Variants in KCNAB1 observed in about 807,000 individuals in gnomAD.
KCNAB1 encodes potassium voltage-gated channel subfamily A regulatory beta subunit 1, also known as voltage-gated potassium channel subunit beta-1.
A neutral mutation model predicts 64.6 loss-of-function variants in KCNAB1; 35 were observed. The ratio of observed to expected loss-of-function variants is 0.54; its 90% CI spans 0.41 to 0.72. KCNAB1 has a LOEUF of 0.72. Ranked by LOEUF, KCNAB1 falls within the 30% of genes least tolerant of loss-of-function variation. The probability of loss-of-function intolerance (pLI) is 0.00; values close to 1 mark genes in which losing one functional copy is unlikely to be tolerated. For synonymous variants in KCNAB1, 177 were observed against 183.8 expected (o/e 0.96, Z 0.30); for missense variants, 401 against 512.9 (o/e 0.78, Z 2.11).
intron 1 of KCNAB1, among the ~76,000 whole-genome samples, chr3:156,330,669 C>A (rs1371338743): frequency 6.6e-6 from 1 of 152,162 alleles, no homozygotes; most frequent in Non-Finnish European, 1.5e-5. Flanking sequence ...ACCATTCTTT[C>A]ATCATTTCCC....
intron 1 of KCNAB1, among the ~76,000 whole-genome samples, chr3:156,136,360 G>A (rs1450044847): frequency 2.6e-5 from 4 of 152,214 alleles, no homozygotes; most frequent in Non-Finnish European, 1.5e-5. Context: ...GTGCCCACTG[G>A]TGGGTTGTAG....
chr3:156,360,773 CTTTAT>C (rs1366442399), intron 1 of KCNAB1, among the ~76,000 whole-genome samples: 3 of 151,808 alleles, frequency 2.0e-5, no homozygotes, highest in South Asian at 2.1e-4. Flanking sequence ...ATTCCTAATT[CTTTAT>C]TTTATCTTCT....
At chr3:156,147,725 G>C (rs922007591) in intron 1 of KCNAB1, among the ~76,000 whole-genome samples, 2 of 152,120 alleles carry the variant, frequency 1.3e-5, no homozygotes, top group African/African-American at 4.8e-5. Context: ...TTCTTAACTT[G>C]AGATGGGCCT....
At chr3:156,253,904 C>A (rs1717964126) in intron 1 of KCNAB1, among the ~76,000 whole-genome samples, 1 of 152,172 alleles carries the variant, frequency 6.6e-6, no homozygotes. Flanking sequence ...AGGCCATGCC[C>A]CCAGCGATGT....
chr3:156,147,951 ACACACACACG>A (rs1258133022), intron 1 of KCNAB1, among the ~76,000 whole-genome samples: 1 of 139,110 alleles, frequency 7.2e-6, no homozygotes, highest in Non-Finnish European at 1.5e-5. Flanking sequence ...ACACACACAC[ACACACACACG>A]CACGCACACG....
intron 1 of KCNAB1, among the ~76,000 whole-genome samples, chr3:156,334,072 AG>A (rs769213644): frequency 5.3e-5 from 8 of 152,180 alleles, no homozygotes; most frequent in Non-Finnish European, 1.2e-4. Flanking sequence ...AAACCCTAAA[AG>A]CCCTTCTAGA....
At chr3:156,453,524 G>A (rs1712159783) in intron 3 of KCNAB1, among the ~76,000 whole-genome samples, 1 of 152,156 alleles carries the variant, frequency 6.6e-6, no homozygotes, top group Non-Finnish European at 1.5e-5. Flanking sequence ...TGACTAGTAG[G>A]TAGCAGACAC....
intron 8 of KCNAB1, among the ~76,000 whole-genome samples, chr3:156,484,508 G>A (rs1247811715): frequency 6.6e-6 from 1 of 152,094 alleles, no homozygotes; most frequent in Non-Finnish European, 1.5e-5. Flanking sequence ...TTCTCTGAGA[G>A]ATATTTGGAG....
intron 1 of KCNAB1, among the ~76,000 whole-genome samples, chr3:156,222,221 G>C (rs1479499179): frequency 6.6e-6 from 1 of 152,138 alleles, no homozygotes; most frequent in East Asian, 1.9e-4. Flanking sequence ...TTAAGGTAAA[G>C]GGGGGCGGGA....
chr3:156,474,908 C>A, intron 8 of KCNAB1, 88 bp downstream of exon 8: 2 of 1,030,434 alleles, frequency 1.9e-6, no homozygotes, highest in South Asian at 1.3e-5. Flanking sequence ...GAATTGTATT[C>A]AGACTGATCA....
intron 1 of KCNAB1, among the ~76,000 whole-genome samples, chr3:156,225,037 AG>A (rs1371092063): frequency 6.6e-6 from 1 of 152,092 alleles, no homozygotes; most frequent in East Asian, 1.9e-4. Context: ...TCCAAAAGAT[AG>A]AGAAAGAGGA....
intron 13 of KCNAB1, among the ~76,000 whole-genome samples, chr3:156,536,213 G>A (rs900392631): frequency 1.3e-5 from 2 of 152,166 alleles, no homozygotes; most frequent in Non-Finnish European, 2.9e-5. Context: ...ACAGAGATGT[G>A]CTTTAAGTGT....
chr3:156,287,643 A>G (rs1176372661), intron 1 of KCNAB1, among the ~76,000 whole-genome samples: 1 of 152,068 alleles, frequency 6.6e-6, no homozygotes, highest in African/African-American at 2.4e-5. Context: ...CCTGGCCAAC[A>G]TGGTGAAACC....
intron 3 of KCNAB1, among the ~76,000 whole-genome samples, chr3:156,453,445 T>C (rs1712155101): frequency 6.6e-6 from 1 of 152,224 alleles, no homozygotes; most frequent in South Asian, 2.1e-4. Context: ...GAGATGCTAA[T>C]GCTAACTTTG....
intron 1 of KCNAB1, among the ~76,000 whole-genome samples, chr3:156,390,739 T>G (rs6781728): frequency 2.0e-5 from 3 of 151,904 alleles, no homozygotes; most frequent in Non-Finnish European, 4.4e-5. Context: ...CCTGCTACCA[T>G]GCCCGGCTAA....
chr3:156,335,853 GTTTT>G (rs4056366), intron 1 of KCNAB1, among the ~76,000 whole-genome samples: 77 of 135,302 alleles, frequency 5.7e-4, no homozygotes, highest in African/African-American at 2.1e-3. Flanking sequence ...AATTGTTTGG[GTTTT>G]TTTTTTTTTT....
intron 8 of KCNAB1, among the ~76,000 whole-genome samples, chr3:156,479,339 C>A (rs916585609): frequency 6.6e-6 from 1 of 152,144 alleles, no homozygotes; most frequent in Non-Finnish European, 1.5e-5. Flanking sequence ...AGAAAAAGTT[C>A]AGGCAATAGA....
At chr3:156,317,526 TA>T in intron 1 of KCNAB1, among the ~76,000 whole-genome samples, 1 of 152,206 alleles carries the variant, frequency 6.6e-6, no homozygotes, top group Non-Finnish European at 1.5e-5. Flanking sequence ...ATACGTGTGG[TA>T]ATAGCTTTGA....
chr3:156,221,801 G>A (rs1313946901), intron 1 of KCNAB1, among the ~76,000 whole-genome samples: 2 of 145,644 alleles, frequency 1.4e-5, no homozygotes, highest in African/African-American at 5.2e-5. Flanking sequence ...AAAAAGTTTT[G>A]TGTCCAGCAA....
Sources: allele counts gnomAD v4.1 joint callset (sites outside exome capture counted in the v4.1 genomes callset), GRCh38; gene constraint gnomAD v4.1.1; transcripts MANE v1.5; gene names NCBI Gene and HGNC (gene_info 2026-07-23, HGNC 2026-07-21).